The following KDM4B variants were observed in gnomAD, a reference collection of about 807,000 sequenced individuals.
The protein encoded by KDM4B is lysine-specific demethylase 4B.
A neutral mutation model predicts 125.2 loss-of-function variants in KDM4B; 32 were observed. The observed-to-expected ratio is 0.26, with a 90% confidence interval of 0.19 to 0.34. KDM4B has a LOEUF of 0.34. Ranked by LOEUF, KDM4B falls within the 10% of genes least tolerant of loss-of-function variation. KDM4B has a pLI of 1.00. For synonymous variants in KDM4B, 721 were observed against 677.9 expected, an observed-to-expected ratio of 1.06 and a Z score of -0.99; for missense variants, 1,190 against 1,577.7, an observed-to-expected ratio of 0.75 and a Z score of 4.16.
At chr19:5,068,696 C>T (rs939840135) in intron 6 of KDM4B, among the ~76,000 whole-genome samples, 40 of 152,306 alleles carry the variant, frequency 2.6e-4, no homozygotes, top group Non-Finnish European at 5.0e-4. Flanking sequence ...CTGGCGGTGG[C>T]GGAGCCCAGA....
intron 1 of KDM4B, among the ~76,000 whole-genome samples, chr19:4,975,036 C>T (rs930942760): frequency 5.9e-5 from 9 of 152,102 alleles, no homozygotes; most frequent in Non-Finnish European, 1.2e-4. Flanking sequence ...TCCACCCAGC[C>T]GGCTCCTTAT....
chr19:5,132,460 G>T (rs967605904), intron 13 of KDM4B, among the ~76,000 whole-genome samples: 1 of 152,158 alleles, frequency 6.6e-6, no homozygotes, highest in Non-Finnish European at 1.5e-5. Flanking sequence ...TTCAACTTCT[G>T]CTTCGGCCTT....
At chr19:5,145,309 G>A (rs2039823082) in intron 21 of KDM4B, among the ~76,000 whole-genome samples, 1 of 151,748 alleles carries the variant, frequency 6.6e-6, no homozygotes, top group East Asian at 1.9e-4. Context: ...GACCGGGCAC[G>A]GTGGCTCACC....
intron 7 of KDM4B, 83 bp downstream of exon 7, chr19:5,071,142 C>A (rs1004622757): frequency 3.0e-6 from 4 of 1,321,640 alleles, no homozygotes; most frequent in East Asian, 2.4e-5. Context: ...TGGCGTCCCC[C>A]GGGCTCTGCT....
intron 9 of KDM4B, 31 bp from the exon 10 acceptor site, chr19:5,110,591 G>C: frequency 6.2e-7 from 1 of 1,610,790 alleles, no homozygotes; most frequent in Non-Finnish European, 8.5e-7. Flanking sequence ...CAGGTGTGGC[G>C]CGAGGGCTCA....
intron 2 of KDM4B, among the ~76,000 whole-genome samples, chr19:5,023,400 G>C (rs76477922): frequency 1.3e-3 from 200 of 152,350 alleles, no homozygotes; most frequent in African/African-American, 4.5e-3. Context: ...CCACATGCCC[G>C]GGGCTGGGGC....
chr19:5,059,848 G>C (rs1229578857), intron 6 of KDM4B, among the ~76,000 whole-genome samples: 1 of 152,210 alleles, frequency 6.6e-6, no homozygotes, highest in Non-Finnish European at 1.5e-5. Context: ...TCCAGACGAC[G>C]TTCTGCACAC....
At chr19:5,132,680 T>C (rs1335268642) in intron 13 of KDM4B, among the ~76,000 whole-genome samples, 1 of 151,894 alleles carries the variant, frequency 6.6e-6, no homozygotes, top group African/African-American at 2.4e-5. Flanking sequence ...TCTACCCAGG[T>C]ATCCTTCCAG....
chr19:5,092,952 C>T (rs1386594342), intron 9 of KDM4B, among the ~76,000 whole-genome samples: 1 of 152,230 alleles, frequency 6.6e-6, no homozygotes. Context: ...CCCCTGACCA[C>T]ATGTCCTCTC....
At chr19:4,995,451 G>A (rs2035169159) in intron 1 of KDM4B, among the ~76,000 whole-genome samples, 1 of 152,102 alleles carries the variant, frequency 6.6e-6, no homozygotes, top group Non-Finnish European at 1.5e-5. Flanking sequence ...GCTAATTTTT[G>A]TGTTTTTAGT....
chr19:5,125,841 A>G (rs749023861), intron 11 of KDM4B, among the ~76,000 whole-genome samples: 18 of 140,906 alleles, frequency 1.3e-4, no homozygotes, highest in Admixed American at 2.1e-4. Flanking sequence ...GAAGGACCCA[A>G]TCTGGCAGGG....
At chr19:5,017,941 C>T (rs754291044) in intron 2 of KDM4B, among the ~76,000 whole-genome samples, 2 of 152,050 alleles carry the variant, frequency 1.3e-5, no homozygotes, top group South Asian at 2.1e-4. Flanking sequence ...GGGGTTTCAC[C>T]GTGTTAGCCA....
intron 9 of KDM4B, among the ~76,000 whole-genome samples, chr19:5,093,557 A>G (rs1314389666): frequency 6.6e-6 from 1 of 152,212 alleles, no homozygotes; most frequent in Non-Finnish European, 1.5e-5. Context: ...TGATAATTAC[A>G]TCAGAAACAG....
At position 5,131,970 on chromosome 19, in the gene KDM4B, A is replaced by G. The variant is rs1216118426; in HGVS notation, c.1869A>G (p.Pro623=). ...TGGGCCGGCCGCCCACCCGGTCCCC[A>G]CTGTCGGTGGTGAAGCAGGAGGCCT... ...HPLGRPPTRS[P]LSVVKQEASS... The change falls in exon 13 of 23, where the codon CCA becomes CCG. Residue 623 remains proline, a synonymous_variant. Transcript: ENST00000159111. The G allele has an allele frequency of 1.2e-6, 2 of 1,611,310 alleles. No homozygotes were observed. Among genetic ancestry groups the G allele is most frequent in the South Asian group, 1.1e-5 (1 of 90,828 alleles).
chr19:5,029,539 A>G (rs1175491406), intron 2 of KDM4B, among the ~76,000 whole-genome samples: 7 of 152,240 alleles, frequency 4.6e-5, no homozygotes, highest in Admixed American at 3.9e-4. Flanking sequence ...TTCCAAAGGC[A>G]CAAATGGCTG....
intron 1 of KDM4B, among the ~76,000 whole-genome samples, chr19:4,979,809 G>A (rs1420247016): frequency 1.3e-5 from 2 of 152,132 alleles, no homozygotes; most frequent in Non-Finnish European, 2.9e-5. Flanking sequence ...TCTTCTTAAA[G>A]TATACAATTC....
intron 9 of KDM4B, among the ~76,000 whole-genome samples, chr19:5,107,530 G>T (rs554296565): frequency 1.3e-5 from 2 of 152,192 alleles, no homozygotes; most frequent in Non-Finnish European, 2.9e-5. Flanking sequence ...AGACAGCGAG[G>T]TCTGCCCTGC....
chr19:5,051,845 G>A (rs928897194), intron 6 of KDM4B, among the ~76,000 whole-genome samples: 2 of 152,240 alleles, frequency 1.3e-5, no homozygotes, highest in African/African-American at 4.8e-5. Context: ...CAGGATGGGG[G>A]TCCCCCATGG....
At chr19:5,073,606 AGAGGCCACAGGCAGGATCTGGT>A in intron 7 of KDM4B, among the ~76,000 whole-genome samples, 1 of 152,364 alleles carries the variant, frequency 6.6e-6, no homozygotes, top group Non-Finnish European at 1.5e-5. Flanking sequence ...AGCCTGCTGG[AGAGGCCACAGGCAGGATCTGGT>A]GAGGCCACCC....
Sources: gnomAD v4.1 joint callset for allele counts (sites outside exome capture counted in the v4.1 genomes callset) on GRCh38, gnomAD v4.1.1 for gene constraint, MANE v1.5 for transcripts, NCBI Gene and HGNC (gene_info 2026-07-23, HGNC 2026-07-21) for gene names.